Variants in STK3 observed in about 807,000 individuals in gnomAD.
STK3 encodes serine/threonine kinase 3, also known as serine/threonine-protein kinase 3.
A neutral mutation model predicts 58.0 loss-of-function variants in STK3; 41 were observed. The observed-to-expected ratio is 0.71, with a 90% CI of 0.55 to 0.92. The LOEUF (loss-of-function observed/expected upper bound fraction) is 0.92. Among genes scored for constraint, STK3 ranks in the 40% least tolerant of loss-of-function variants. The pLI, the probability that STK3 is intolerant of heterozygous loss-of-function variation, is 0.00. For missense variants in STK3, 479 were observed against 602.7 expected, an observed-to-expected ratio of 0.79 and a Z score of 2.15; for synonymous variants, 170 against 191.0, an observed-to-expected ratio of 0.89 and a Z score of 0.91.
chr8:98,663,794 T>C (rs957460636), intron 6 of STK3, among the ~76,000 whole-genome samples: 4 of 152,212 alleles, frequency 2.6e-5, no homozygotes, highest in Non-Finnish European at 5.9e-5. Flanking sequence ...CACCACATTT[T>C]CTCACTCATA....
intron 3 of STK3, chr8:98,426,967 C>CGCGCCCCGCGCAGGGCGG (rs1251641054): frequency 1.3e-5 from 2 of 150,812 alleles, no homozygotes; most frequent in Non-Finnish European, 3.0e-5. Context: ...ACCACCGCGC[C>CGCGCCCCGCGCAGGGCGG]GCGCCCCGCG....
At chr8:98,820,554 G>A (rs1004355246) in intron 1 of STK3, among the ~76,000 whole-genome samples, 4 of 152,168 alleles carry the variant, frequency 2.6e-5, no homozygotes, top group Admixed American at 2.6e-4. Context: ...CTATCATAGA[G>A]ACCCACCTCC....
At position 98,571,664 on chromosome 8, in the gene STK3, T is replaced by G. The variant is rs116480234; in HGVS notation, c.948+8000A>C. ...GCTCTAAGACATAGTCTAAGACCAA[T>G]TAGACTTCTTTTCTTTGAGTCATTA... On this transcript the variant is annotated intron_variant, in intron 8 of 10. Transcript: ENST00000419617. 5.5e-3 allele frequency among the ~76,000 whole-genome samples: 833 copies of G among 152,292 alleles called. 9 individuals are homozygous for G. The highest frequency in any genetic ancestry group is 0.019 in the African/African-American group (805 of 41,550).
intron 3 of STK3, among the ~76,000 whole-genome samples, chr8:98,419,225 G>A (rs1818145776): frequency 6.6e-6 from 1 of 152,186 alleles, no homozygotes; most frequent in Admixed American, 6.5e-5. Flanking sequence ...GCTGGGCGTG[G>A]TGGTGGGCAC....
intron 1 of STK3, among the ~76,000 whole-genome samples, chr8:98,793,949 T>C (rs935780975): frequency 6.6e-6 from 1 of 152,202 alleles, no homozygotes; most frequent in Non-Finnish European, 1.5e-5. Context: ...GAATGACTTT[T>C]GGGTAAACAA....
chr8:98,657,278 C>T (rs190862033), intron 6 of STK3, among the ~76,000 whole-genome samples: 3 of 152,078 alleles, frequency 2.0e-5, no homozygotes, highest in Non-Finnish European at 4.4e-5. Context: ...CACAAACAAC[C>T]CTTCGAGATA....
At chr8:98,367,738 A>G (rs528948894), downstream of STK3, among the ~76,000 whole-genome samples, 2 of 152,332 alleles carry the variant, frequency 1.3e-5, no homozygotes, top group South Asian at 4.1e-4. Flanking sequence ...AGGTGAAAGA[A>G]GACAGCCTTT....
At chr8:98,560,919 G>A (rs964287191) in intron 8 of STK3, among the ~76,000 whole-genome samples, 6 of 152,052 alleles carry the variant, frequency 3.9e-5, no homozygotes, top group Admixed American at 6.6e-5. Context: ...TACAGTCCCA[G>A]CTACTTGGGA....
At chr8:98,391,699 A>G (rs1422609561), upstream of STK3, among the ~76,000 whole-genome samples, 1 of 152,198 alleles carries the variant, frequency 6.6e-6, no homozygotes, top group Non-Finnish European at 1.5e-5. Context: ...GCGTCCTTGC[A>G]TAGCATCTCG....
chr8:98,710,555 G>C (rs528297156), intron 4 of STK3, among the ~76,000 whole-genome samples: 2 of 152,200 alleles, frequency 1.3e-5, no homozygotes, highest in Admixed American at 6.5e-5. Context: ...TAGCACAACA[G>C]TGTGAGATCA....
chr8:98,863,228 A>G (rs1836998857), intron 3 of STK3, among the ~76,000 whole-genome samples: 1 of 152,180 alleles, frequency 6.6e-6, no homozygotes, highest in Non-Finnish European at 1.5e-5. Context: ...GAAAATAGTG[A>G]GACTGGTGTT....
intron 9 of STK3, among the ~76,000 whole-genome samples, chr8:98,545,939 T>G (rs1486206941): frequency 6.6e-6 from 1 of 152,162 alleles, no homozygotes; most frequent in Non-Finnish European, 1.5e-5. Flanking sequence ...TTCACATACT[T>G]TACTACTGCT....
chr8:98,706,668 A>G (rs1825984305), intron 5 of STK3, 34 bp from the exon 6 acceptor site: 3 of 1,499,560 alleles, frequency 2.0e-6, no homozygotes, highest in Non-Finnish European at 2.7e-6. Context: ...AAATGCTACT[A>G]CAAAAGCACA....
chr8:98,626,482 T>C (rs1818725685), intron 6 of STK3, among the ~76,000 whole-genome samples: 1 of 152,148 alleles, frequency 6.6e-6, no homozygotes, highest in South Asian at 2.1e-4. Context: ...ATGGAAGAGC[T>C]GAATGACTGC....
chr8:98,857,330 C>T (rs1564065087), intron 3 of STK3, among the ~76,000 whole-genome samples: 1 of 152,114 alleles, frequency 6.6e-6, no homozygotes, highest in Non-Finnish European at 1.5e-5. Flanking sequence ...GTGCAGATTC[C>T]TGAAAGTTTA....
At chr8:98,529,032 A>G (rs1475922256) in intron 9 of STK3, among the ~76,000 whole-genome samples, 1 of 152,184 alleles carries the variant, frequency 6.6e-6, no homozygotes, top group Non-Finnish European at 1.5e-5. Context: ...AAGAAACATA[A>G]TATTCATAAC....
intron 3 of STK3, among the ~76,000 whole-genome samples, chr8:98,425,892 C>T (rs191765378): frequency 3.3e-5 from 5 of 152,330 alleles, no homozygotes; most frequent in Non-Finnish European, 7.4e-5. Flanking sequence ...GACATGTAGA[C>T]GCTAGCTCCC....
intron 1 of STK3, among the ~76,000 whole-genome samples, chr8:98,823,461 A>C (rs1835040675): frequency 2.0e-5 from 3 of 152,224 alleles, no homozygotes; most frequent in Admixed American, 2.0e-4. Flanking sequence ...ATCACTGTAT[A>C]CAACAAGAGG....
At chr8:98,921,982 C>A (rs2132010974) in intron 1 of STK3, among the ~76,000 whole-genome samples, 1 of 152,296 alleles carries the variant, frequency 6.6e-6, no homozygotes, top group South Asian at 2.1e-4. Context: ...GCATAAGCCA[C>A]CACGCCCGGC....
Sources: gnomAD v4.1 joint callset for allele counts (sites outside exome capture counted in the v4.1 genomes callset) on GRCh38, gnomAD v4.1.1 for gene constraint, MANE v1.5 for transcripts, NCBI Gene and HGNC (gene_info 2026-07-23, HGNC 2026-07-21) for gene names.